SPTBN1: variants seen among roughly 807,000 people sequenced by gnomAD.
SPTBN1 encodes spectrin beta, non-erythrocytic 1.
SPTBN1 carries 32 observed loss-of-function variants against 266.4 expected under a neutral mutation model. The observed-to-expected ratio is 0.12, with a 90% confidence interval of 0.09 to 0.16. The LOEUF (loss-of-function observed/expected upper bound fraction) is 0.16, where lower values mean the gene tolerates loss of function less well. Among genes scored for constraint, SPTBN1 ranks in the 10% least tolerant of loss-of-function variants. The pLI is 1.00. For synonymous variants in SPTBN1, 1,336 were observed against 1,162.2 expected, an observed-to-expected ratio of 1.15 and a Z score of -3.04; for missense variants, 2,296 against 3,067.1, an observed-to-expected ratio of 0.75 and a Z score of 5.94.
rs755366387 is a variant in SPTBN1 at position 54,631,623 on chromosome 2, TC to T, written c.3564+14del. ...TTCTTAACAACCAGGTAAGGTTTGTTCCTGCCTTTGCTTCCTTTCGGTGAAA... is the reference window on the plus strand; with the variant it reads ...TTCTTAACAACCAGGTAAGGTTTGTTCTGCCTTTGCTTCCTTTCGGTGAAA... On this transcript the variant is annotated intron_variant, in intron 16 of 35. Transcript: ENST00000356805. The T allele has an allele frequency of 6.2e-7, 1 of 1,600,680 alleles. No homozygotes were observed. Among genetic ancestry groups the T allele is most frequent in the South Asian group, 1.1e-5 (1 of 90,536 alleles).
intron 1 of SPTBN1, among the ~76,000 whole-genome samples, chr2:54,522,630 C>CAAA (rs72506677): frequency 1.8e-5 from 2 of 113,728 alleles, no homozygotes; most frequent in Admixed American, 9.0e-5. Flanking sequence ...GACTCTGTCT[C>CAAA]AAAAAGAAAG....
intron 1 of SPTBN1, among the ~76,000 whole-genome samples, chr2:54,462,949 A>G (rs1443028422): frequency 6.6e-6 from 1 of 152,238 alleles, no homozygotes; most frequent in Non-Finnish European, 1.5e-5. Flanking sequence ...ACTCGATTAA[A>G]TCTGGCATTC....
chr2:54,515,715 G>C (rs1395451904), intron 1 of SPTBN1: 1 of 152,006 alleles, frequency 6.6e-6, no homozygotes, highest in African/African-American at 2.4e-5. Context: ...TTTTTGTAGA[G>C]ACGGGCTCAC....
At chr2:54,593,201 A>G (rs908078177) in intron 2 of SPTBN1, among the ~76,000 whole-genome samples, 9 of 152,054 alleles carry the variant, frequency 5.9e-5, no homozygotes, top group African/African-American at 9.7e-5. Flanking sequence ...CTGTGGAACT[A>G]AAGGCTGAGC....
intron 3 of SPTBN1, among the ~76,000 whole-genome samples, chr2:54,601,054 A>G (rs1323915354): frequency 6.6e-6 from 1 of 152,114 alleles, no homozygotes; most frequent in African/African-American, 2.4e-5. Context: ...GTGTGTGAGT[A>G]TCTCCCACTC....
rs1425468254 is a variant in SPTBN1 at position 54,669,584 on chromosome 2, T to C, written c.*1015T>C. On this transcript the variant is annotated 3_prime_UTR_variant, in exon 36 of 36. Coordinates refer to ENST00000356805, the MANE Select transcript of SPTBN1 (RefSeq NM_003128.3). The stretch of plus-strand genomic sequence containing the variant: ...TGGGCCTGAACAGGGAGGTGGTCGC[T>C]CAGGCCTGGTGCTCAGTCGTACGAC... 6.6e-6 allele frequency: 1 copy of C among 152,658 alleles called. No homozygotes were observed. Among genetic ancestry groups the C allele is most frequent in the Non-Finnish European group, 1.5e-5 (1 of 68,048 alleles). The allele number at this position is 152,658 out of a possible 1,614,324, so 9.5% of individuals were successfully genotyped here. A position where few individuals can be genotyped will look rare whatever the true frequency, so the allele number is the denominator to read the frequency against.
chr2:54,491,058 A>G (rs1400745539), intron 1 of SPTBN1, among the ~76,000 whole-genome samples: 1 of 152,156 alleles, frequency 6.6e-6, no homozygotes, highest in Non-Finnish European at 1.5e-5. Flanking sequence ...ATGGAAGAGG[A>G]TGGATTTCAG....
chr2:54,499,797 C>T (rs949950965), intron 1 of SPTBN1, among the ~76,000 whole-genome samples: 1 of 152,178 alleles, frequency 6.6e-6, no homozygotes, highest in African/African-American at 2.4e-5. Flanking sequence ...TTCCTTTAGC[C>T]CATGTTTCTC....
rs369588558 is a variant in SPTBN1 at position 54,598,508 on chromosome 2, C to T, written c.149-584C>T. Among the ~76,000 whole-genome samples the T allele has an allele frequency of 3.9e-5, 6 of 152,210 alleles. 1 individual carries two copies. In the South Asian group the frequency reaches 8.3e-4, roughly 21 times the overall value. ...GTGTGTGTGACTGAGCAGGTGAAGA[C>T]GGTCATTGCCAAGGTCATGAGTTAA... On this transcript the variant is annotated intron_variant, in intron 2 of 35. Coordinates refer to ENST00000356805, the MANE Select transcript of SPTBN1 (RefSeq NM_003128.3).
At chr2:54,460,765 C>T (rs1182505744) in intron 1 of SPTBN1, among the ~76,000 whole-genome samples, 11 of 152,092 alleles carry the variant, frequency 7.2e-5, no homozygotes, top group South Asian at 2.1e-4. Flanking sequence ...TTTGGGATGC[C>T]GAGTGGGGGC....
At chr2:54,632,851 G>A (rs1572717566) in intron 17 of SPTBN1, 83 bp downstream of exon 17, 1 of 1,475,378 alleles carries the variant, frequency 6.8e-7, no homozygotes, top group East Asian at 2.4e-5. Flanking sequence ...GCCCTTGGGA[G>A]TTTAGGTATA....
intron 17 of SPTBN1, among the ~76,000 whole-genome samples, chr2:54,636,101 G>A (rs1015752537): frequency 6.6e-6 from 1 of 152,126 alleles, no homozygotes; most frequent in African/African-American, 2.4e-5. Flanking sequence ...TGCCATTTAA[G>A]TGTTTGCTTT....
At chr2:54,478,413 C>T (rs1449624978) in intron 1 of SPTBN1, among the ~76,000 whole-genome samples, 1 of 152,016 alleles carries the variant, frequency 6.6e-6, no homozygotes, top group South Asian at 2.1e-4. Context: ...TGGGGAGTTT[C>T]GTGGAAGAGC....
At chr2:54,659,061 A>G in intron 30 of SPTBN1, 93 bp from the exon 31 acceptor site, 1 of 1,372,634 alleles carries the variant, frequency 7.3e-7, no homozygotes, top group Non-Finnish European at 1.0e-6. Context: ...AGTTTAGCAA[A>G]CTAGACAGGA....
chr2:54,615,248 AAGAAT>A (rs2103821685), intron 4 of SPTBN1, among the ~76,000 whole-genome samples: 1 of 152,220 alleles, frequency 6.6e-6, no homozygotes, highest in Non-Finnish European at 1.5e-5. Flanking sequence ...GTTTTTCAAA[AAGAAT>A]TCTGGGAAGT....
intron 2 of SPTBN1, among the ~76,000 whole-genome samples, chr2:54,560,902 A>G (rs1673252116): frequency 6.6e-6 from 1 of 152,228 alleles, no homozygotes; most frequent in Non-Finnish European, 1.5e-5. Flanking sequence ...AAACAATCCT[A>G]GGAGAATTTT....
chr2:54,494,219 A>T (rs961943607), intron 1 of SPTBN1, among the ~76,000 whole-genome samples: 1 of 152,264 alleles, frequency 6.6e-6, no homozygotes, highest in Non-Finnish European at 1.5e-5. Flanking sequence ...TATTCACATT[A>T]TAAAGTGACT....
chr2:54,661,641 T>C (rs2971878), intron 32 of SPTBN1: 189,874 of 985,712 alleles, frequency 0.19, 18,314 homozygotes, highest in Middle Eastern at 0.26. Context: ...AAACTTCTGC[T>C]TTGTCTTTGG....
At chr2:54,613,004 G>T (rs951533903) in intron 4 of SPTBN1, among the ~76,000 whole-genome samples, 1 of 152,136 alleles carries the variant, frequency 6.6e-6, no homozygotes, top group Non-Finnish European at 1.5e-5. Context: ...AGAAATCGGG[G>T]ACCCACAGAA....
Sources: gnomAD v4.1 joint callset for allele counts (sites outside exome capture counted in the v4.1 genomes callset) on GRCh38, gnomAD v4.1.1 for gene constraint, MANE v1.5 for transcripts, NCBI Gene and HGNC (gene_info 2026-07-23, HGNC 2026-07-21) for gene names.